MSRA: variants seen among roughly 807,000 people sequenced by gnomAD.
MSRA encodes mitochondrial peptide methionine sulfoxide reductase.
MSRA carries 54 observed loss-of-function variants against 31.3 expected under a neutral mutation model. The observed-to-expected ratio is 1.73, with a 90% CI of 1.39 to 2.17. MSRA has a LOEUF of 2.17. Among genes scored for constraint, MSRA ranks in the 30% most tolerant of loss-of-function variants. The pLI, the probability that MSRA is intolerant of heterozygous loss-of-function variation, is 0.00. For synonymous variants in MSRA, 169 were observed against 116.5 expected, an observed-to-expected ratio of 1.45 and a Z score of -2.90; for missense variants, 507 against 300.9, an observed-to-expected ratio of 1.69 and a Z score of -5.07.
chr8:10,190,316 A>G (rs1373987044), intron 1 of MSRA, among the ~76,000 whole-genome samples: 1 of 152,208 alleles, frequency 6.6e-6, no homozygotes, highest in Non-Finnish European at 1.5e-5. Context: ...ACAGGGCACC[A>G]GAGCCCCTGG....
chr8:10,393,491 C>A (rs903544895), intron 5 of MSRA, among the ~76,000 whole-genome samples: 3 of 152,220 alleles, frequency 2.0e-5, no homozygotes, highest in African/African-American at 7.2e-5. Context: ...GACACAGCGT[C>A]AGCATGTGAC....
At chr8:10,263,538 C>T (rs1356309558) in intron 3 of MSRA, among the ~76,000 whole-genome samples, 1 of 152,208 alleles carries the variant, frequency 6.6e-6, no homozygotes, top group African/African-American at 2.4e-5. Context: ...GGTACCAAAA[C>T]CGGGAATCAT....
chr8:10,160,459 C>T (rs1271514117), intron 1 of MSRA, among the ~76,000 whole-genome samples: 1 of 151,430 alleles, frequency 6.6e-6, no homozygotes, highest in South Asian at 2.1e-4. Context: ...GGTGCCACCG[C>T]ACTCTAGCCT....
intron 3 of MSRA, among the ~76,000 whole-genome samples, chr8:10,279,686 C>G (rs1196217055): frequency 6.6e-6 from 1 of 152,174 alleles, no homozygotes; most frequent in East Asian, 1.9e-4. Flanking sequence ...GAAGCTAACA[C>G]CTAGAAGGCA....
chr8:10,295,537 T>TTCTGACGGC (rs1468342298), intron 3 of MSRA, among the ~76,000 whole-genome samples: 1 of 152,202 alleles, frequency 6.6e-6, no homozygotes. Flanking sequence ...CTGCTCTTGG[T>TTCTGACGGC]TCTGACGGCT....
At chr8:10,427,216 T>C (rs1809231272) in intron 5 of MSRA, among the ~76,000 whole-genome samples, 2 of 152,148 alleles carry the variant, frequency 1.3e-5, no homozygotes, top group African/African-American at 4.8e-5. Flanking sequence ...TGAGAGTGGG[T>C]TGAGCCTCTG....
chr8:10,190,688 C>G (rs756582590), intron 1 of MSRA, among the ~76,000 whole-genome samples: 1 of 152,178 alleles, frequency 6.6e-6, no homozygotes, highest in Admixed American at 6.5e-5. Flanking sequence ...TTTCCATTAA[C>G]CTACTGTGTG....
intron 1 of MSRA, among the ~76,000 whole-genome samples, chr8:10,206,285 A>G (rs1808968544): frequency 6.6e-6 from 1 of 152,198 alleles, no homozygotes; most frequent in African/African-American, 2.4e-5. Flanking sequence ...TCCATCACAC[A>G]GCTGGGACCT....
chr8:10,301,845 C>G (rs1052546044), intron 4 of MSRA, among the ~76,000 whole-genome samples: 6 of 152,246 alleles, frequency 3.9e-5, no homozygotes, highest in South Asian at 2.1e-4. Flanking sequence ...GCCCCTGCCC[C>G]CCTTACAGCT....
chr8:10,078,598 G>A (rs1798117556), intron 1 of MSRA, among the ~76,000 whole-genome samples: 1 of 152,210 alleles, frequency 6.6e-6, no homozygotes, highest in South Asian at 2.1e-4. Context: ...GAAAGTGTAG[G>A]GCTGGCAGCT....
chr8:10,209,615 T>G (rs1275243317), intron 2 of MSRA, among the ~76,000 whole-genome samples: 2 of 152,164 alleles, frequency 1.3e-5, no homozygotes, highest in African/African-American at 4.8e-5. Context: ...TCAACATTCT[T>G]CCCCAAGGCC....
chr8:10,427,664 C>A (rs570203275), intron 5 of MSRA, among the ~76,000 whole-genome samples: 1 of 152,166 alleles, frequency 6.6e-6, no homozygotes, highest in African/African-American at 2.4e-5. Context: ...TGCGATAGTG[C>A]CAGGTAGAGC....
At chr8:10,096,782 C>G (rs1000833234) in intron 1 of MSRA, among the ~76,000 whole-genome samples, 3 of 152,094 alleles carry the variant, frequency 2.0e-5, no homozygotes, top group Non-Finnish European at 4.4e-5. Flanking sequence ...TAAAAATCAG[C>G]ATTATTGTAG....
chr8:10,101,351 A>T (rs1799516430), intron 1 of MSRA, among the ~76,000 whole-genome samples: 1 of 152,144 alleles, frequency 6.6e-6, no homozygotes, highest in African/African-American at 2.4e-5. Flanking sequence ...TTACAAAATT[A>T]TTTTTTTAAT....
intron 5 of MSRA, among the ~76,000 whole-genome samples, chr8:10,320,869 CT>C (rs1802009110): frequency 6.6e-6 from 1 of 152,164 alleles, no homozygotes. Flanking sequence ...GTCCAAGCTT[CT>C]TGTTTTTAAA....
intron 5 of MSRA, chr8:10,337,972 A>G: frequency 3.3e-6 from 2 of 613,840 alleles, no homozygotes; most frequent in Non-Finnish European, 5.8e-6. Flanking sequence ...TGGCCCAGGA[A>G]AGCAGGGGTT....
chr8:10,214,304 C>T (rs949709657), intron 2 of MSRA, among the ~76,000 whole-genome samples: 1 of 152,114 alleles, frequency 6.6e-6, no homozygotes, highest in Non-Finnish European at 1.5e-5. Context: ...GGGGTACTCA[C>T]CTTCGGCCCC....
intron 2 of MSRA, among the ~76,000 whole-genome samples, chr8:10,228,241 T>C (rs565446743): frequency 3.2e-4 from 49 of 152,294 alleles, no homozygotes; most frequent in African/African-American, 1.2e-3. Flanking sequence ...GAGGGTCCTT[T>C]TGTTGCCCTG....
At chr8:10,189,681 G>C in intron 1 of MSRA, among the ~76,000 whole-genome samples, 1 of 151,954 alleles carries the variant, frequency 6.6e-6, no homozygotes, top group East Asian at 1.9e-4. Flanking sequence ...GAATTCCTTG[G>C]ATGAATCCCA....
Sources: allele counts gnomAD v4.1 joint callset (sites outside exome capture counted in the v4.1 genomes callset), GRCh38; gene constraint gnomAD v4.1.1; transcripts MANE v1.5; gene names NCBI Gene and HGNC (gene_info 2026-07-23, HGNC 2026-07-21).